The following QTMAN variants were observed in gnomAD, a reference collection of about 807,000 sequenced individuals.
QTMAN encodes the protein tRNA-queuosine alpha-mannosyltransferase.
chr2:144,077,060 AAAAAG>A, the QTMAN span, among the ~76,000 whole-genome samples: 1 of 152,058 alleles, frequency 6.6e-6, no homozygotes, highest in Non-Finnish European at 1.5e-5. Flanking sequence ...CAAAAAAAAA[AAAAAG>A]AGAGATTAAG....
the QTMAN span, among the ~76,000 whole-genome samples, chr2:144,028,577 TC>T: frequency 6.6e-6 from 1 of 152,184 alleles, no homozygotes; most frequent in African/African-American, 2.4e-5. Flanking sequence ...ATTCCTGGCC[TC>T]CTGGAGCCAT....
chr2:144,205,819 T>C, the QTMAN span, among the ~76,000 whole-genome samples: 1 of 152,214 alleles, frequency 6.6e-6, no homozygotes, highest in Non-Finnish European at 1.5e-5. Flanking sequence ...TGATTAACAT[T>C]TCATAACCCA....
chr2:144,059,999 GCAGTCTCCAC>G, the QTMAN span, among the ~76,000 whole-genome samples: 1 of 151,696 alleles, frequency 6.6e-6, no homozygotes, highest in Admixed American at 6.6e-5. Flanking sequence ...TAACTTATTT[GCAGTCTCCAC>G]CACCAGAATG....
the QTMAN span, among the ~76,000 whole-genome samples, chr2:144,079,540 C>A: frequency 1.3e-5 from 2 of 151,916 alleles, 1 homozygote; most frequent in Admixed American, 1.3e-4. Context: ...ATAGCACTGC[C>A]CTTGGGGAAG....
the QTMAN span, among the ~76,000 whole-genome samples, chr2:144,137,653 T>C: frequency 1.3e-5 from 2 of 152,152 alleles, no homozygotes; most frequent in East Asian, 3.9e-4. Context: ...AGCTGTGTGA[T>C]TACCAGAAGA....
the QTMAN span, among the ~76,000 whole-genome samples, chr2:144,279,319 C>T: frequency 6.6e-5 from 10 of 150,694 alleles, no homozygotes; most frequent in Non-Finnish European, 1.0e-4. Context: ...ACCCACCCCG[C>T]TTCCCTCACA....
chr2:144,302,646 C>T, the QTMAN span, among the ~76,000 whole-genome samples: 2 of 152,198 alleles, frequency 1.3e-5, no homozygotes, highest in Non-Finnish European at 2.9e-5. Flanking sequence ...ATCAACTATG[C>T]GCCAACTTCT....
the QTMAN span, among the ~76,000 whole-genome samples, chr2:144,133,151 A>ATATATATAATATATAT: frequency 1.9e-5 from 1 of 51,394 alleles, no homozygotes; most frequent in African/African-American, 9.0e-5. Flanking sequence ...ATATATATAT[A>ATATATATAATATATAT]ATATAATATA....
At chr2:143,981,431 A>G in the QTMAN span, among the ~76,000 whole-genome samples, 16 of 152,134 alleles carry the variant, frequency 1.1e-4, no homozygotes, top group African/African-American at 3.6e-4. Flanking sequence ...ACAGGTTTTC[A>G]TATTCAGTTG....
At chr2:144,215,261 A>AAAT in the QTMAN span, among the ~76,000 whole-genome samples, 40 of 142,514 alleles carry the variant, frequency 2.8e-4, no homozygotes, top group African/African-American at 8.8e-4. Context: ...AAAAAAAAAA[A>AAAT]ATATATATAT....
chr2:144,232,718 C>G, the QTMAN span, among the ~76,000 whole-genome samples: 397 of 152,154 alleles, frequency 2.6e-3, 1 homozygote, highest in African/African-American at 8.9e-3. Flanking sequence ...AAAAATAGAT[C>G]ACCTGAAAGT....
chr2:143,951,985 A>G, the QTMAN span: 2 of 1,493,854 alleles, frequency 1.3e-6, no homozygotes, highest in South Asian at 1.1e-5. Context: ...TAACTACCTT[A>G]TAGAGATGTT....
chr2:143,959,341 C>T, the QTMAN span, among the ~76,000 whole-genome samples: 5 of 151,768 alleles, frequency 3.3e-5, no homozygotes, highest in Non-Finnish European at 5.9e-5. Flanking sequence ...AAAAAAAACA[C>T]TTGCTAAATT....
chr2:144,031,889 T>C, the QTMAN span, among the ~76,000 whole-genome samples: 1 of 152,122 alleles, frequency 6.6e-6, no homozygotes, highest in Non-Finnish European at 1.5e-5. Context: ...CCCGAGCAGC[T>C]GGGACTACAG....
chr2:143,970,676 C>A, the QTMAN span: 5 of 1,603,634 alleles, frequency 3.1e-6, no homozygotes, highest in Non-Finnish European at 4.3e-6. Flanking sequence ...GAAGGTTTCT[C>A]CAAGTACAGA....
the QTMAN span, among the ~76,000 whole-genome samples, chr2:144,224,702 A>G: frequency 0.011 from 1,749 of 152,318 alleles, 32 homozygotes; most frequent in African/African-American, 0.04. Context: ...CAACAGGCAC[A>G]GCAAGACCCT....
At chr2:144,020,353 GA>G in the QTMAN span, among the ~76,000 whole-genome samples, 2 of 152,178 alleles carry the variant, frequency 1.3e-5, no homozygotes, top group Non-Finnish European at 1.5e-5. Flanking sequence ...GCTGAATATT[GA>G]AAGAAGCACA....
At chr2:144,254,623 G>A in the QTMAN span, among the ~76,000 whole-genome samples, 2 of 152,152 alleles carry the variant, frequency 1.3e-5, no homozygotes, top group Non-Finnish European at 2.9e-5. Flanking sequence ...CTGGGGCACT[G>A]CCTAGTGGAG....
chr2:143,996,903 T>TC, the QTMAN span, among the ~76,000 whole-genome samples: 1 of 152,056 alleles, frequency 6.6e-6, no homozygotes, highest in Non-Finnish European at 1.5e-5. Flanking sequence ...ATCAATTAAT[T>TC]TTACATGATT....
Sources: allele counts gnomAD v4.1 joint callset (sites outside exome capture counted in the v4.1 genomes callset), GRCh38; gene constraint gnomAD v4.1.1; transcripts MANE v1.5; gene names NCBI Gene and HGNC (gene_info 2026-07-23, HGNC 2026-07-21).